ALK: variants seen among roughly 807,000 people sequenced by gnomAD.
ALK encodes ALK receptor tyrosine kinase.
Under a neutral mutation model 163.1 loss-of-function variants are expected in ALK, and 74 were observed. The observed-to-expected ratio is 0.45, with a 90% CI of 0.38 to 0.55. ALK has a LOEUF of 0.55. Among genes scored for constraint, ALK ranks in the 20% least tolerant of loss-of-function variants. The pLI is 0.00. For synonymous variants in ALK, 960 were observed against 843.2 expected (o/e 1.14, Z -2.40); for missense variants, 2,063 against 2,105.3 (o/e 0.98, Z 0.39).
intron 5 of ALK, among the ~76,000 whole-genome samples, chr2:29,329,377 A>G (rs1157785942): frequency 1.3e-5 from 2 of 152,186 alleles, no homozygotes; most frequent in Non-Finnish European, 2.9e-5. Context: ...GGACCACCTC[A>G]CAAGGCCTGG....
At chr2:29,666,646 CTGAGCTCCAATCT>C (rs1267817737) in intron 3 of ALK, among the ~76,000 whole-genome samples, 1 of 152,068 alleles carries the variant, frequency 6.6e-6, no homozygotes, top group African/African-American at 2.4e-5. Context: ...AGACACAGAT[CTGAGCTCCAATCT>C]TGAGCATGCC....
chr2:29,385,816 G>T (rs775663868), intron 4 of ALK, among the ~76,000 whole-genome samples: 32 of 152,196 alleles, frequency 2.1e-4, no homozygotes, highest in Non-Finnish European at 4.1e-4. Flanking sequence ...TCATTTTAAT[G>T]ATTGCATTTT....
intron 8 of ALK, among the ~76,000 whole-genome samples, chr2:29,305,712 T>G (rs1452365004): frequency 2.6e-5 from 4 of 152,254 alleles, no homozygotes; most frequent in South Asian, 4.1e-4. Flanking sequence ...ACAGCAGAGG[T>G]CCTCAACCTT....
intron 9 of ALK, 139 bp downstream of exon 9, chr2:29,296,749 G>C (rs564857313): frequency 6.7e-5 from 61 of 905,796 alleles, no homozygotes; most frequent in Non-Finnish European, 1.0e-4. Context: ...GTGCACGTGC[G>C]TGCACGCGCA....
At chr2:29,446,589 T>C (rs1670689853) in intron 4 of ALK, among the ~76,000 whole-genome samples, 1 of 152,172 alleles carries the variant, frequency 6.6e-6, no homozygotes, top group Non-Finnish European at 1.5e-5. Flanking sequence ...AAAAACTGAT[T>C]CTTGGCTCTT....
intron 24 of ALK, among the ~76,000 whole-genome samples, chr2:29,212,934 A>G (rs190210144): frequency 3.9e-5 from 6 of 152,160 alleles, no homozygotes; most frequent in African/African-American, 1.4e-4. Context: ...CGAACTCCCA[A>G]CCTCATGTGA....
chr2:29,834,518 A>G (rs1258610734), intron 1 of ALK, among the ~76,000 whole-genome samples: 1 of 152,288 alleles, frequency 6.6e-6, no homozygotes, highest in African/African-American at 2.4e-5. Flanking sequence ...AACAGTAAAG[A>G]TTTTTCAAAG....
At chr2:29,870,465 G>A (rs1666549222) in intron 1 of ALK, among the ~76,000 whole-genome samples, 1 of 152,122 alleles carries the variant, frequency 6.6e-6, no homozygotes, top group South Asian at 2.1e-4. Context: ...CCATGATCCA[G>A]TCACCTCCCA....
At chr2:29,831,322 A>AGAAGAAGAAGAAGAAGAAGAAG (rs1325294044) in intron 1 of ALK, among the ~76,000 whole-genome samples, 2 of 148,136 alleles carry the variant, frequency 1.4e-5, no homozygotes, top group Non-Finnish European at 3.0e-5. Context: ...AAGAAGAAGA[A>AGAAGAAGAAGAAGAAGAAGAAG]ATGTAGAGTT....
chr2:29,613,589 C>T (rs1473940587), intron 3 of ALK, among the ~76,000 whole-genome samples: 1 of 152,174 alleles, frequency 6.6e-6, no homozygotes, highest in Non-Finnish European at 1.5e-5. Flanking sequence ...GGGCGTATGT[C>T]ACACAGGTAC....
At chr2:29,734,418 A>C (rs950692950) in intron 1 of ALK, among the ~76,000 whole-genome samples, 1 of 152,178 alleles carries the variant, frequency 6.6e-6, no homozygotes, top group Non-Finnish European at 1.5e-5. Flanking sequence ...TCTTGGAGAA[A>C]ACTCTAAAAT....
intron 8 of ALK, among the ~76,000 whole-genome samples, chr2:29,305,558 A>G (rs1666487413): frequency 6.6e-6 from 1 of 152,124 alleles, no homozygotes; most frequent in African/African-American, 2.4e-5. Context: ...TTTCCCTTAC[A>G]CAGTCCTTGG....
At chr2:29,800,955 G>A (rs946398583) in intron 1 of ALK, among the ~76,000 whole-genome samples, 2 of 152,132 alleles carry the variant, frequency 1.3e-5, no homozygotes, top group African/African-American at 4.8e-5. Context: ...TCCCGTGGGC[G>A]CTGGCCTCCC....
intron 2 of ALK, among the ~76,000 whole-genome samples, chr2:29,711,430 C>T (rs1180254931): frequency 1.3e-5 from 2 of 152,194 alleles, no homozygotes; most frequent in African/African-American, 2.4e-5. Flanking sequence ...TCTGTTACTG[C>T]ATTTGTCAAA....
intron 5 of ALK, among the ~76,000 whole-genome samples, chr2:29,352,009 T>C (rs13029602): frequency 0.4 from 60,022 of 151,934 alleles, 12,067 homozygotes; most frequent in South Asian, 0.54. Context: ...CACTCTCTCT[T>C]CTTCCAGCTG....
At chr2:29,321,071 G>T (rs1019670603) in intron 6 of ALK, among the ~76,000 whole-genome samples, 189 bp from the exon 7 acceptor site, 1 of 152,150 alleles carries the variant, frequency 6.6e-6, no homozygotes, top group Non-Finnish European at 1.5e-5. Flanking sequence ...ACTGATGCCC[G>T]TGCTGGTTTA....
chr2:29,899,317 T>C (rs1476659532), intron 1 of ALK, among the ~76,000 whole-genome samples: 2 of 152,174 alleles, frequency 1.3e-5, no homozygotes, highest in African/African-American at 2.4e-5. Context: ...AAGATTTTTG[T>C]TCTCCAAAGA....
At chr2:29,338,053 A>G (rs1266075292) in intron 5 of ALK, among the ~76,000 whole-genome samples, 1 of 152,084 alleles carries the variant, frequency 6.6e-6, no homozygotes, top group African/African-American at 2.4e-5. Context: ...AACTTCAGAG[A>G]CTATCCTAAG....
At chr2:29,636,136 G>A (rs1051752210) in intron 3 of ALK, among the ~76,000 whole-genome samples, 5 of 152,168 alleles carry the variant, frequency 3.3e-5, no homozygotes, top group Non-Finnish European at 7.3e-5. Flanking sequence ...TATAGCTACA[G>A]TAATCAAGAC....
Sources: allele counts gnomAD v4.1 joint callset (sites outside exome capture counted in the v4.1 genomes callset), GRCh38; gene constraint gnomAD v4.1.1; transcripts MANE v1.5; gene names NCBI Gene and HGNC (gene_info 2026-07-23, HGNC 2026-07-21).